The following IP6K1 variants were observed in gnomAD, a reference collection of about 807,000 sequenced individuals.
IP6K1 encodes inositol hexakisphosphate kinase 1.
Under a neutral mutation model 38.3 loss-of-function variants are expected in IP6K1, and 13 were observed. That is an observed-to-expected ratio of 0.34 (90% CI 0.22 to 0.54). The LOEUF (loss-of-function observed/expected upper bound fraction) is 0.54, where lower values mean the gene tolerates loss of function less well. Ranked by LOEUF, IP6K1 falls within the 20% of genes least tolerant of loss-of-function variation. IP6K1 has a pLI of 0.92. For missense variants in IP6K1, 397 were observed against 599.8 expected (o/e 0.66, Z 3.53); for synonymous variants, 212 against 229.9 (o/e 0.92, Z 0.70).
chr3:49,735,027 A>T (rs1240184970), intron 3 of IP6K1, among the ~76,000 whole-genome samples: 1 of 152,148 alleles, frequency 6.6e-6, no homozygotes, highest in African/African-American at 2.4e-5. Flanking sequence ...ATGACTCATG[A>T]AGCAACCTCT....
rs1044936923 is a variant in IP6K1, at chr3:49,747,839, C to T, written c.202G>A (p.Glu68Lys). 1.2e-6 allele frequency: 2 copies of T among 1,614,160 alleles called. No homozygotes were observed. Among genetic ancestry groups the T allele is most frequent in the Non-Finnish European group, 1.7e-6 (2 of 1,180,022 alleles). Reference sequence around the variant, plus strand: ...TGACCTTTGTATTCAGGGGTGAACTCCTTCATTTCGGGAGGGAGGGACTCG... The same window carrying T: ...TGACCTTTGTATTCAGGGGTGAACTTCTTCATTTCGGGAGGGAGGGACTCG... ...FYESLPPEMK[E>K]FTPEYKGVVS... The change falls in exon 2 of 6, where the codon GAG becomes AAG. Residue 68 changes from glutamate (E) to lysine (K), a missense_variant. Transcript: ENST00000321599.
chr3:49,764,592 A>G lies in IP6K1; in HGVS notation c.-128-16424T>C, dbSNP rs554771843. On this transcript the variant is annotated intron_variant, in intron 1 of 5. Transcript: ENST00000321599. ...CAACTATATACATTCAAGAATCCCAATGAAGTCCAGGTGTGGTGGCTCATG... is the reference window on the plus strand; with the variant it reads ...CAACTATATACATTCAAGAATCCCAGTGAAGTCCAGGTGTGGTGGCTCATG... 1.5e-4 allele frequency among the ~76,000 whole-genome samples: 23 copies of G among 152,146 alleles called. No homozygotes were observed. In the South Asian group the frequency reaches 3.5e-3, roughly 23 times the overall value.
At chr3:49,785,690 G>C (rs1007220979) in intron 1 of IP6K1, 1 of 152,164 alleles carries the variant, frequency 6.6e-6, no homozygotes, top group African/African-American at 2.4e-5. Context: ...AGCAAAAAGA[G>C]GAAGACATTA....
chr3:49,778,927 T>C (rs1236767041), intron 1 of IP6K1, among the ~76,000 whole-genome samples: 1 of 152,158 alleles, frequency 6.6e-6, no homozygotes, highest in Non-Finnish European at 1.5e-5. Flanking sequence ...GTCCAGCCAA[T>C]ACGTTTTTAA....
intron 1 of IP6K1, among the ~76,000 whole-genome samples, chr3:49,780,994 G>A (rs1361140587): frequency 6.6e-6 from 1 of 151,696 alleles, no homozygotes; most frequent in African/African-American, 2.4e-5. Flanking sequence ...GGCGCAAAAA[G>A]ACACAAAAAG....
intron 1 of IP6K1, 80 bp from the exon 2 acceptor site, chr3:49,748,248 G>A (rs2063929817): frequency 1.7e-6 from 1 of 595,608 alleles, no homozygotes; most frequent in African/African-American, 1.9e-5. Flanking sequence ...AGTGAGAGCA[G>A]GGACTCTTGT....
intron 1 of IP6K1, among the ~76,000 whole-genome samples, chr3:49,754,134 AG>A (rs2080801989): frequency 6.6e-6 from 1 of 152,192 alleles, no homozygotes; most frequent in Non-Finnish European, 1.5e-5. Flanking sequence ...TGGGTGGCCA[AG>A]GCTGGAGGAT....
chr3:49,728,159 G>T lies in IP6K1; in HGVS notation c.736C>A (p.Arg246=). ...ASAEKAARQM[R]KCEQSTSATL... ...GCTGATGTGCTCTGCTCGCATTTCCGCATCTGCCGGGCTGCCTTCTCAGCT... is the reference window on the plus strand; with the variant it reads ...GCTGATGTGCTCTGCTCGCATTTCCTCATCTGCCGGGCTGCCTTCTCAGCT... The change falls in exon 5 of 6, where the codon CGG becomes AGG. Residue 246 remains arginine, a synonymous_variant. Coordinates refer to ENST00000321599, the MANE Select transcript of IP6K1 (RefSeq NM_153273.4). 1 of 1,614,114 alleles carries T rather than the reference G, an allele frequency of 6.2e-7. No homozygotes were observed. Among genetic ancestry groups the T allele is most frequent in the Non-Finnish European group, 8.5e-7 (1 of 1,180,036 alleles).
Position 49,747,715 on chromosome 3 carries a change from A to G in IP6K1, c.223+103T>C, listed in dbSNP as rs569969824. The G allele has an allele frequency of 8.2e-6, 12 of 1,466,338 alleles. No homozygotes were observed. The South Asian group carries it at 1.0e-4, about 13-fold the overall frequency. The allele number at this position is 1,466,338 out of a possible 1,614,324, so 90.8% of individuals were successfully genotyped here. A position where few individuals can be genotyped will look rare whatever the true frequency, so the allele number is the denominator to read the frequency against. ...AAGTGACTTCGTGCTTTGAGAAAAA[A>G]GACCTACAATGATATATCATGGCAA... is the stretch of plus-strand genomic sequence containing the variant. On this transcript the variant is annotated intron_variant, in intron 2 of 5. Coordinates refer to ENST00000321599, the MANE Select transcript of IP6K1 (RefSeq NM_153273.4).
chr3:49,752,125 C>T (rs1386624747), intron 1 of IP6K1, among the ~76,000 whole-genome samples: 1 of 152,128 alleles, frequency 6.6e-6, no homozygotes, highest in Non-Finnish European at 1.5e-5. Context: ...TTCACCTCAG[C>T]CTCCAAAATA....
chr3:49,781,136 A>C (rs1670599561), intron 1 of IP6K1, among the ~76,000 whole-genome samples: 2 of 150,844 alleles, frequency 1.3e-5, no homozygotes, highest in Admixed American at 6.6e-5. Context: ...ATCTCAGCTC[A>C]CTGCAACCTC....
intron 2 of IP6K1, among the ~76,000 whole-genome samples, chr3:49,742,705 C>T (rs953101084): frequency 3.3e-5 from 5 of 151,962 alleles, no homozygotes; most frequent in Non-Finnish European, 7.4e-5. Flanking sequence ...TTGAGACCCG[C>T]CTGGGCAACA....
chr3:49,749,078 C>T (rs931958969), intron 1 of IP6K1: 1 of 152,176 alleles, frequency 6.6e-6, no homozygotes, highest in East Asian at 1.9e-4. Context: ...GGCAGAGCTC[C>T]GGCGGTAATG....
intron 3 of IP6K1, among the ~76,000 whole-genome samples, chr3:49,733,548 T>C (rs2080581678): frequency 6.6e-6 from 1 of 152,186 alleles, no homozygotes; most frequent in Admixed American, 6.6e-5. Context: ...ATGTGGGATA[T>C]ACATACAATG....
At chr3:49,781,044 C>T (rs1364009162) in intron 1 of IP6K1, among the ~76,000 whole-genome samples, 2 of 151,342 alleles carry the variant, frequency 1.3e-5, no homozygotes, top group Admixed American at 6.6e-5. Context: ...TTATTAGGCC[C>T]TACCAGAGGA....
At chr3:49,740,007 T>C (rs1248977991) in intron 2 of IP6K1, among the ~76,000 whole-genome samples, 1 of 151,600 alleles carries the variant, frequency 6.6e-6, no homozygotes, top group Non-Finnish European at 1.5e-5. Flanking sequence ...CTCAAAAAAA[T>C]AAAATAAAAA....
At chr3:49,769,659 T>C (rs561474270) in intron 1 of IP6K1, among the ~76,000 whole-genome samples, 2 of 152,318 alleles carry the variant, frequency 1.3e-5, no homozygotes, top group South Asian at 2.1e-4. Context: ...TAGGGACTCA[T>C]TCTAATGAAA....
At chr3:49,751,053 A>T (rs1465232201) in intron 1 of IP6K1, among the ~76,000 whole-genome samples, 1 of 152,088 alleles carries the variant, frequency 6.6e-6, no homozygotes, top group Non-Finnish European at 1.5e-5. Context: ...AAGTCTCCTC[A>T]CACTCCTAAC....
chr3:49,752,524 C>CGTGT (rs1559708863), intron 1 of IP6K1, among the ~76,000 whole-genome samples: 3 of 147,908 alleles, frequency 2.0e-5, no homozygotes, highest in East Asian at 4.0e-4. Context: ...TTCACTTTTG[C>CGTGT]ATGTGTGTGT....
Sources: gnomAD v4.1 joint callset for allele counts (sites outside exome capture counted in the v4.1 genomes callset) on GRCh38, gnomAD v4.1.1 for gene constraint, MANE v1.5 for transcripts, NCBI Gene and HGNC (gene_info 2026-07-23, HGNC 2026-07-21) for gene names.